The following CAMTA1 variants were observed in gnomAD, a reference collection of about 807,000 sequenced individuals.
CAMTA1 encodes calmodulin binding transcription activator 1, also known as calmodulin-binding transcription activator 1.
A neutral mutation model predicts 170.9 loss-of-function variants in CAMTA1; 27 were observed. That is an observed-to-expected ratio of 0.16 (90% CI 0.12 to 0.22). The LOEUF is 0.22. Among genes scored for constraint, CAMTA1 ranks in the 10% least tolerant of loss-of-function variants. The pLI is 1.00. For synonymous variants in CAMTA1, 833 were observed against 891.5 expected (o/e 0.93, Z 1.17); for missense variants, 1,619 against 2,217.2 (o/e 0.73, Z 5.42).
At chr1:6,880,350 A>G (rs1377343477) in intron 3 of CAMTA1, among the ~76,000 whole-genome samples, 1 of 146,810 alleles carries the variant, frequency 6.8e-6, no homozygotes, top group Non-Finnish European at 1.5e-5. Context: ...GTGGGGTTAC[A>G]GGCATGAGCC....
chr1:7,363,553 T>A (rs1242425172), intron 5 of CAMTA1, among the ~76,000 whole-genome samples: 1 of 152,212 alleles, frequency 6.6e-6, no homozygotes, highest in Non-Finnish European at 1.5e-5. Flanking sequence ...AATCAGGTGG[T>A]TTGGTTCCTG....
intron 6 of CAMTA1, among the ~76,000 whole-genome samples, chr1:7,638,919 A>G (rs773464245): frequency 1.3e-5 from 2 of 152,168 alleles, no homozygotes; most frequent in African/African-American, 4.8e-5. Context: ...GACAGAGGAC[A>G]TTCTTAATAA....
rs1330054792 is a variant in CAMTA1, at chr1:7,063,295, C to T, written c.235-28009C>T. Among the ~76,000 whole-genome samples, 5 of 152,294 alleles carry T rather than the reference C, an allele frequency of 3.3e-5. No individual in the cohort carries two copies. In the East Asian group the frequency reaches 9.7e-4, roughly 29 times the overall value. The stretch of plus-strand genomic sequence containing the variant: ...AGTGGAAAGACAGGGACGACTCTTC[C>T]GCAACACCTCTCAGACCCGTCAGTG... On this transcript the variant is annotated intron_variant, in intron 3 of 22. Coordinates refer to ENST00000303635, the MANE Select transcript of CAMTA1 (RefSeq NM_015215.4). The surrounding 1 kb of genome is among the most constrained non-coding windows in gnomAD (Gnocchi z 4.3).
At chr1:7,730,612 T>A (rs1019654624) in intron 11 of CAMTA1, among the ~76,000 whole-genome samples, 3 of 152,138 alleles carry the variant, frequency 2.0e-5, no homozygotes, top group Admixed American at 1.3e-4. Context: ...ATTTGTGAGG[T>A]GTGGCCAGGC....
rs1036428635 is a variant in CAMTA1 at position 7,592,839 on chromosome 1, T to C, written c.511-47561T>C. ...ATAACAGTAACAACAGTAATAGCTA[T>C]GGCCATGTGTTAAACATTAGGGCGG... On this transcript the variant is annotated intron_variant, in intron 6 of 22. Coordinates refer to ENST00000303635, the MANE Select transcript of CAMTA1 (RefSeq NM_015215.4). This position sits in a 1 kb window ranked among gnomAD's most constrained non-coding sequence, Gnocchi z 4.6. Among the ~76,000 whole-genome samples, 2 of 152,206 alleles carry C rather than the reference T, an allele frequency of 1.3e-5. No individual in the cohort carries two copies. Among genetic ancestry groups the C allele is most frequent in the Admixed American group, 1.3e-4 (2 of 15,282 alleles).
At chr1:6,928,467 A>C (rs557331076) in intron 3 of CAMTA1, among the ~76,000 whole-genome samples, 20 of 152,244 alleles carry the variant, frequency 1.3e-4, no homozygotes, top group African/African-American at 4.8e-4. Context: ...GTCTTAGGAT[A>C]GGTGCTTCTG....
At chr1:7,239,635 ATTTTTTTT>A (rs34166595) in intron 4 of CAMTA1, among the ~76,000 whole-genome samples, 43 of 103,952 alleles carry the variant, frequency 4.1e-4, no homozygotes, top group African/African-American at 1.5e-3. Flanking sequence ...TTCAAGGTCA[ATTTTTTTT>A]TTTTTTTTTT....
At chr1:7,401,152 G>A (rs916392451) in intron 5 of CAMTA1, among the ~76,000 whole-genome samples, 3 of 152,150 alleles carry the variant, frequency 2.0e-5, no homozygotes, top group Admixed American at 6.5e-5. Flanking sequence ...TTTATATTAT[G>A]TCTATGATCT....
chr1:7,587,938 G>T (rs947487577), intron 6 of CAMTA1, among the ~76,000 whole-genome samples: 1 of 152,118 alleles, frequency 6.6e-6, no homozygotes, highest in Admixed American at 6.5e-5. Flanking sequence ...CCCAGAACCC[G>T]CCTCCCTCGG....
rs917650800 is a variant in CAMTA1, at chr1:7,500,706, C to T, written c.510+32805C>T. Among the ~76,000 whole-genome samples, 5 of 152,142 alleles carry T rather than the reference C, an allele frequency of 3.3e-5. 1 individual carries two copies. In the East Asian group the frequency reaches 7.7e-4, roughly 23 times the overall value. On this transcript the variant is annotated intron_variant, in intron 6 of 22. Coordinates refer to ENST00000303635, the MANE Select transcript of CAMTA1 (RefSeq NM_015215.4). Reference sequence around the variant, plus strand: ...AATTACCACGGCTCAAAGTCAGAGGCGTGGGCTGGCTCCGTCCAGATGGAG... The same window carrying T: ...AATTACCACGGCTCAAAGTCAGAGGTGTGGGCTGGCTCCGTCCAGATGGAG...
intron 11 of CAMTA1, among the ~76,000 whole-genome samples, chr1:7,728,320 CCGCACTGCAG>C (rs1307955909): frequency 6.6e-6 from 1 of 152,240 alleles, no homozygotes; most frequent in African/African-American, 2.4e-5. Context: ...GATGCGGGGA[CCGCACTGCAG>C]CACACTGCAG....
intron 11 of CAMTA1, among the ~76,000 whole-genome samples, chr1:7,711,897 A>G (rs984617407): frequency 2.6e-5 from 4 of 152,240 alleles, no homozygotes; most frequent in African/African-American, 7.2e-5. Flanking sequence ...AGTGCAATAA[A>G]TGGCAGGTAG....
intron 6 of CAMTA1, among the ~76,000 whole-genome samples, chr1:7,597,077 C>T (rs2095406241): frequency 6.6e-6 from 1 of 152,148 alleles, no homozygotes; most frequent in Admixed American, 6.5e-5. Flanking sequence ...TGCTGACGTC[C>T]ACCAACCTGC....
At chr1:6,878,028 G>A (rs943525917) in intron 3 of CAMTA1, among the ~76,000 whole-genome samples, 9 of 152,216 alleles carry the variant, frequency 5.9e-5, no homozygotes, top group African/African-American at 1.2e-4. Context: ...TAGACTGCAC[G>A]TATCTGTGCA....
rs3034816 is a variant in CAMTA1, at chr1:7,579,552, C to CTTTTTTTTTTTTTTTTTTTTTTTTTTTT, written c.511-60823_511-60822insTTTTTTTTTTTTTTTTTTTTTTTTTTTT. ...GGTCCACTTTCTTTTCTTTTCTTTT[C>CTTTTTTTTTTTTTTTTTTTTTTTTTTTT]TTTTTTTTTTTTTTTTTTTTTTTTT... On this transcript the variant is annotated intron_variant, in intron 6 of 22. Coordinates refer to ENST00000303635, the MANE Select transcript of CAMTA1 (RefSeq NM_015215.4). Among the ~76,000 whole-genome samples, 19 of 79,200 alleles carry CTTTTTTTTTTTTTTTTTTTTTTTTTTTT rather than the reference C, an allele frequency of 2.4e-4. 3 individuals carry two copies. The highest frequency in any genetic ancestry group is 8.2e-4 in the African/African-American group (14 of 16,970). 52.0% of individuals were successfully genotyped at this position (79,200 alleles called of 152,430 possible).
rs146319515 is a variant in CAMTA1, at chr1:6,798,519, G to A, written c.45+12944G>A. Among the ~76,000 whole-genome samples, 702 of 151,670 alleles carry A rather than the reference G, an allele frequency of 4.6e-3. 5 individuals carry two copies. Among genetic ancestry groups the A allele is most frequent in the African/African-American group, 0.016 (658 of 41,314 alleles). Reference sequence around the variant, plus strand: ...TGCAAGCTCCACTTCTCGAGTTCACGCCATTCTCCTGCCTCAGCCTCTTGG... The same window carrying A: ...TGCAAGCTCCACTTCTCGAGTTCACACCATTCTCCTGCCTCAGCCTCTTGG... On this transcript the variant is annotated intron_variant, in intron 1 of 22. Transcript: ENST00000303635.
chr1:7,634,734 G>A lies in CAMTA1; in HGVS notation c.511-5666G>A, dbSNP rs977685287. On this transcript the variant is annotated intron_variant, in intron 6 of 22. Coordinates refer to ENST00000303635, the MANE Select transcript of CAMTA1 (RefSeq NM_015215.4). This position sits in a 1 kb window ranked among gnomAD's most constrained non-coding sequence, Gnocchi z 6.2. ...CTCTAAGCAGCAGAAGTGCCCGCTG[G>A]AGGCTTAACTCTGCTCACCCTCTCA... Among the ~76,000 whole-genome samples, 3 of 151,758 alleles carry A rather than the reference G, an allele frequency of 2.0e-5. No homozygotes were observed. The highest frequency in any genetic ancestry group is 1.3e-4 in the Admixed American group (2 of 15,230).
At chr1:7,273,637 A>G (rs1670169418) in intron 5 of CAMTA1, among the ~76,000 whole-genome samples, 2 of 152,184 alleles carry the variant, frequency 1.3e-5, no homozygotes, top group Admixed American at 1.3e-4. Context: ...GGGGTGATGA[A>G]AATGCTCCAA....
At chr1:7,019,840 C>T (rs775891990) in intron 3 of CAMTA1, among the ~76,000 whole-genome samples, 5 of 152,254 alleles carry the variant, frequency 3.3e-5, no homozygotes, top group African/African-American at 7.2e-5. Context: ...CCCAGCTCCC[C>T]GGCACCTGCT....
Sources: gnomAD v4.1 joint callset for allele counts (sites outside exome capture counted in the v4.1 genomes callset) on GRCh38, gnomAD v4.1.1 for gene constraint, Gnocchi (gnomAD v3.1) non-coding constraint, MANE v1.5 for transcripts, NCBI Gene and HGNC (gene_info 2026-07-23, HGNC 2026-07-21) for gene names.